Variants in PNLIPRP1 observed in about 807,000 individuals in gnomAD.
PNLIPRP1 encodes the protein pancreatic lipase related protein 1.
Under a neutral mutation model 54.6 loss-of-function variants are expected in PNLIPRP1, and 57 were observed. The ratio of observed to expected loss-of-function variants is 1.04; its 90% CI spans 0.84 to 1.30. PNLIPRP1 has a LOEUF of 1.30. Ranked by LOEUF, PNLIPRP1 falls within the 50% of genes most tolerant of loss-of-function variation. PNLIPRP1 has a pLI of 0.00. For missense variants in PNLIPRP1, 567 were observed against 568.5 expected, an observed-to-expected ratio of 1.00 and a Z score of 0.03; for synonymous variants, 232 against 208.8, an observed-to-expected ratio of 1.11 and a Z score of -0.96.
Position 116,605,752 on chromosome 10 carries a change from G to C in PNLIPRP1, c.1340+199G>C, listed in dbSNP as rs113200336. Among the ~76,000 whole-genome samples the C allele has an allele frequency of 1.7e-3, 261 of 152,324 alleles. 1 individual carries two copies. The highest frequency in any genetic ancestry group is 5.7e-3 in the African/African-American group (238 of 41,570). The stretch of plus-strand genomic sequence containing the variant: ...GGGTGCACCTTATTGGGTGTTCTCA[G>C]CACTGCCTGTGGGAATACAGAAGAT... On this transcript the variant is annotated intron_variant, in intron 12 of 12. Coordinates refer to ENST00000358834, the MANE Select transcript of PNLIPRP1 (RefSeq NM_006229.4).
At chr10:116,603,611 G>C (rs1847886183) in intron 10 of PNLIPRP1, among the ~76,000 whole-genome samples, 2 of 152,176 alleles carry the variant, frequency 1.3e-5, no homozygotes, top group Admixed American at 6.5e-5. Context: ...CTTATACTTT[G>C]GCTGGGTGTG....
At chr10:116,600,369 CAGAGGA>C (rs1375225969) in intron 9 of PNLIPRP1, 3 of 462,620 alleles carry the variant, frequency 6.5e-6, no homozygotes, top group African/African-American at 5.8e-5. Flanking sequence ...AGTTATGTGG[CAGAGGA>C]AAACTGGGAA....
chr10:116,607,027 T>TAAC (rs1419871702), intron 12 of PNLIPRP1, among the ~76,000 whole-genome samples: 6 of 148,188 alleles, frequency 4.0e-5, no homozygotes, highest in Non-Finnish European at 8.9e-5. Context: ...CATTTAATAA[T>TAAC]AATAATAATA....
rs782020523 is a variant in PNLIPRP1 at position 116,594,875 on chromosome 10, T to C, written c.465+11T>C. 20 of 1,613,550 alleles carry C rather than the reference T, an allele frequency of 1.2e-5. No individual in the cohort carries two copies. The highest frequency in any genetic ancestry group is 1.5e-5 in the Non-Finnish European group (18 of 1,179,932). ...CTCGACATCCTCTTGGTGAGTCAGC[T>C]GGCTGGCCTATGTGAGGAGGGAAGC... On this transcript the variant is annotated intron_variant, in intron 5 of 12. Coordinates refer to ENST00000358834, the MANE Select transcript of PNLIPRP1 (RefSeq NM_006229.4).
intron 9 of PNLIPRP1, 138 bp from the exon 10 acceptor site, chr10:116,600,934 A>G (rs1217639225): frequency 8.7e-6 from 6 of 690,708 alleles, no homozygotes; most frequent in Non-Finnish European, 1.4e-5. Context: ...GGTAATTTAG[A>G]GATCATCTGC....
chr10:116,594,988 T>G (rs1199872046), intron 5 of PNLIPRP1, 124 bp downstream of exon 5: 1 of 1,209,614 alleles, frequency 8.3e-7, no homozygotes, highest in African/African-American at 1.5e-5. Flanking sequence ...ACCTTACTTC[T>G]AAAACTCTGA....
chr10:116,598,755 G>GAA, intron 8 of PNLIPRP1, among the ~76,000 whole-genome samples: 1 of 152,184 alleles, frequency 6.6e-6, no homozygotes, highest in East Asian at 1.9e-4. Context: ...CACTTGGGAA[G>GAA]AAAGGGCATC....
Position 116,594,789 on chromosome 10 carries a change from A to G in PNLIPRP1, c.390A>G (p.Gln130=). Residue 130 remains glutamine (Q), a synonymous_variant, in exon 5 of 13, where the codon CAA becomes CAG. Transcript: ENST00000358834. ...GCGTGGACTGGAAGAAGGGCTCCCA[A>G]GCCACCTACACACAGGCTGCCAACA... ...CICVDWKKGS[Q]ATYTQAANNV... is the part of the protein sequence containing the mutation. 6.2e-7 allele frequency: 1 copy of G among 1,614,106 alleles called. No homozygotes were observed. Among genetic ancestry groups the G allele is most frequent in the South Asian group, 1.1e-5 (1 of 91,080 alleles).
intron 5 of PNLIPRP1, chr10:116,595,301 T>C (rs147642855): frequency 7.7e-4 from 135 of 175,508 alleles, no homozygotes; most frequent in African/African-American, 3.0e-3. Flanking sequence ...GTACCAGCTC[T>C]ACTGGCCTGG....
chr10:116,609,004 CT>C, intron 12 of PNLIPRP1, 48 bp from the exon 13 acceptor site: 1 of 1,378,700 alleles, frequency 7.3e-7, no homozygotes, highest in Non-Finnish European at 1.0e-6. Context: ...AAACACCTGG[CT>C]TTTGCTAAGG....
intron 5 of PNLIPRP1, chr10:116,595,269 G>C (rs1347525703): frequency 4.6e-6 from 1 of 218,422 alleles, no homozygotes; most frequent in Non-Finnish European, 9.4e-6. Flanking sequence ...GAGAGCCAAC[G>C]GACAGTACGT....
In PNLIPRP1 at chr10:116,592,553, C is replaced by T. The variant is rs1847658849; in HGVS notation, c.330+12C>T. 1 of 1,614,000 alleles carries T rather than the reference C, an allele frequency of 6.2e-7. No individual in the cohort carries two copies. The highest frequency in any genetic ancestry group is 1.3e-5 in the African/African-American group (1 of 74,938). ...CAGACATGTGCAAGGTAGGAGCCAG[C>T]TCTGATCCCTGTGGCCAGCTGAGGC... On this transcript the variant is annotated intron_variant, in intron 4 of 12. Transcript: ENST00000358834.
At chr10:116,600,937 TC>T (rs1276133065) in intron 9 of PNLIPRP1, 134 bp from the exon 10 acceptor site, 3 of 707,168 alleles carry the variant, frequency 4.2e-6, no homozygotes, top group African/African-American at 1.8e-5. Flanking sequence ...AATTTAGAGA[TC>T]ATCTGCTCCA....
chr10:116,595,482 T>C (rs1433238139), intron 5 of PNLIPRP1: 1 of 153,456 alleles, frequency 6.5e-6, no homozygotes, highest in Non-Finnish European at 1.5e-5. Flanking sequence ...TTCTGTCTTA[T>C]AGTTAAAGGG....
At chr10:116,606,113 T>C (rs1329155269) in intron 12 of PNLIPRP1, among the ~76,000 whole-genome samples, 1 of 152,276 alleles carries the variant, frequency 6.6e-6, no homozygotes, top group Middle Eastern at 3.4e-3. Flanking sequence ...GCAGAGCGAC[T>C]GTCTCTCAAA....
chr10:116,591,201 C>T (rs202093131), intron 2 of PNLIPRP1, 23 bp downstream of exon 2: 45 of 1,600,286 alleles, frequency 2.8e-5, no homozygotes, highest in South Asian at 1.2e-4. Context: ...ACTCCTGCCC[C>T]GTAGGAAGGG....
At position 116,598,148 on chromosome 10, in the gene PNLIPRP1, C is replaced by CTAGATGGCATCTGGGCGGGTAAAT; in HGVS notation, c.814+5_814+6insTTAGATGGCATCTGGGCGGGTAAA. The CTAGATGGCATCTGGGCGGGTAAAT allele has an allele frequency of 3.7e-6, 6 of 1,613,834 alleles. No individual in the cohort carries two copies. The highest frequency in any genetic ancestry group is 5.1e-6 in the Non-Finnish European group (6 of 1,179,898). On this transcript the variant is annotated inframe_insertion, in exon 8 of 13. Coordinates refer to ENST00000358834, the MANE Select transcript of PNLIPRP1 (RefSeq NM_006229.4). ...GAATGCCCTGTCTCAGATCGTGGATCTAGATGGCATCTGGGCGGGTAAAGT... is the reference window on the plus strand; with the variant it reads ...GAATGCCCTGTCTCAGATCGTGGATCTAGATGGCATCTGGGCGGGTAAATTAGATGGCATCTGGGCGGGTAAAGT...
intron 11 of PNLIPRP1, 93 bp from the exon 12 acceptor site, chr10:116,605,293 T>C: frequency 1.5e-6 from 1 of 660,538 alleles, no homozygotes; most frequent in Non-Finnish European, 2.4e-6. Flanking sequence ...AAAATAATCC[T>C]GTTAATCTAG....
chr10:116,601,984 A>G (rs1554864840), intron 10 of PNLIPRP1, among the ~76,000 whole-genome samples: 1 of 152,124 alleles, frequency 6.6e-6, no homozygotes, highest in African/African-American at 2.4e-5. Flanking sequence ...CAAGATACAG[A>G]ACACTTCTAT....
Sources: gnomAD v4.1 joint callset for allele counts (sites outside exome capture counted in the v4.1 genomes callset) on GRCh38, gnomAD v4.1.1 for gene constraint, MANE v1.5 for transcripts, NCBI Gene and HGNC (gene_info 2026-07-23, HGNC 2026-07-21) for gene names.